The following CLCN6 variants were observed in gnomAD, a reference collection of about 807,000 sequenced individuals.
CLCN6 encodes H(+)/Cl(-) exchange transporter 6.
Under a neutral mutation model 109.8 loss-of-function variants are expected in CLCN6, and 70 were observed. The ratio of observed to expected loss-of-function variants is 0.64; its 90% CI spans 0.53 to 0.78. The LOEUF (loss-of-function observed/expected upper bound fraction) is 0.78. Ranked by LOEUF, CLCN6 falls within the 30% of genes least tolerant of loss-of-function variation. The pLI is 0.00. For missense variants in CLCN6, 984 were observed against 1,142.3 expected (o/e 0.86, Z 2.00); for synonymous variants, 444 against 447.8 (o/e 0.99, Z 0.11).
At chr1:11,819,443 A>G (rs766749507) in intron 4 of CLCN6, 45 bp from the exon 5 acceptor site, 5 of 1,560,284 alleles carry the variant, frequency 3.2e-6, no homozygotes, top group Non-Finnish European at 3.5e-6. Flanking sequence ...TACTTGTGCT[A>G]CACTTGGAAA....
Position 11,827,430 on chromosome 1 carries a change from C to CTTTTTTTTTTTTTTTTTTTT in CLCN6, c.840+213_840+232dup, listed in dbSNP as rs59015951. On this transcript the variant is annotated intron_variant, in intron 10 of 22. Transcript: ENST00000346436. ...CTAACCCCAAATCAAACCGCTGTTA[C>CTTTTTTTTTTTTTTTTTTTT]TTTTTTTTTTTTTTTTTTTTTTTGA... Among the ~76,000 whole-genome samples the CTTTTTTTTTTTTTTTTTTTT allele has an allele frequency of 3.6e-4, 38 of 105,022 alleles. 1 individual carries two copies. The highest frequency in any genetic ancestry group is 5.1e-4 in the Non-Finnish European group (27 of 53,442). The allele number at this position is 105,022 out of a possible 152,430, so 68.9% of individuals were successfully genotyped here.
At chr1:11,818,332 A>G (rs527845344) in intron 4 of CLCN6, among the ~76,000 whole-genome samples, 4 of 151,866 alleles carry the variant, frequency 2.6e-5, no homozygotes, top group African/African-American at 7.2e-5. Context: ...GAATGCTGAC[A>G]CGATTCTCAG....
At chr1:11,833,822 A>G (rs1171847172) in intron 14 of CLCN6, 55 bp from the exon 15 acceptor site, 1 of 1,581,414 alleles carries the variant, frequency 6.3e-7, no homozygotes, top group African/African-American at 1.4e-5. Flanking sequence ...CGGTAGGTCT[A>G]CTGGGCCTTG....
At chr1:11,816,063 T>C in intron 3 of CLCN6, 152 bp downstream of exon 3, 1 of 615,488 alleles carries the variant, frequency 1.6e-6, no homozygotes, top group Non-Finnish European at 2.8e-6. Context: ...CGCTTTGCTT[T>C]ATTTCACCTC....
intron 22 of CLCN6, 138 bp downstream of exon 22, chr1:11,838,798 C>T (rs527797120): frequency 7.8e-7 from 1 of 1,281,826 alleles, no homozygotes; most frequent in Admixed American, 1.7e-5. Context: ...TAGCTTTGAA[C>T]CCTGCTCGGC....
intron 9 of CLCN6, 65 bp downstream of exon 9, chr1:11,826,279 C>T: frequency 7.7e-7 from 1 of 1,301,706 alleles, no homozygotes. Context: ...GCGGGTCAGA[C>T]TCGACACTTG....
rs201430199 is a variant in CLCN6, at chr1:11,838,933, C to T, written c.2529+273C>T. The T allele has an allele frequency of 1.4e-3, 997 of 716,812 alleles. 8 individuals are homozygous for T. Among genetic ancestry groups the T allele is most frequent in the Middle Eastern group, 1.1e-3 (5 of 4,372 alleles). 44.4% of individuals were successfully genotyped at this position (716,812 alleles called of 1,614,324 possible). A position where few individuals can be genotyped will look rare whatever the true frequency, so the allele number is the denominator to read the frequency against. Reference sequence around the variant, plus strand: ...GTCTTCCTCCTGAAATGTTGCTCTTCACTCCGTACCACTGGTGTTCCTTGG... The same window carrying T: ...GTCTTCCTCCTGAAATGTTGCTCTTTACTCCGTACCACTGGTGTTCCTTGG... On this transcript the variant is annotated intron_variant, in intron 22 of 22. Transcript: ENST00000346436.
chr1:11,817,238 A>G (rs939242704), intron 4 of CLCN6, among the ~76,000 whole-genome samples: 3 of 152,150 alleles, frequency 2.0e-5, no homozygotes, highest in African/African-American at 7.2e-5. Flanking sequence ...GACTCTAGGC[A>G]GGCATGAGAT....
intron 6 of CLCN6, 22 bp downstream of exon 6, chr1:11,822,823 T>A: frequency 6.6e-7 from 1 of 1,511,254 alleles, no homozygotes; most frequent in Non-Finnish European, 9.2e-7. Flanking sequence ...TGGATTCACC[T>A]GCTCGCTTAG....
In CLCN6 at chr1:11,827,013, T is replaced by C. The variant is rs1644819699; in HGVS notation, c.708-76T>C. On this transcript the variant is annotated intron_variant, in intron 9 of 22. Transcript: ENST00000346436. The stretch of plus-strand genomic sequence containing the variant: ...ATTCACAGGTGTGAGAAAATGTTCA[T>C]GATAAGGAAGTCAGAAACCACCTTT... 10 of 1,560,394 alleles carry C rather than the reference T, an allele frequency of 6.4e-6. No homozygotes were observed. In the Admixed American group the frequency reaches 1.5e-4, roughly 24 times the overall value.
chr1:11,810,912 T>C (rs1259559116), intron 2 of CLCN6, among the ~76,000 whole-genome samples: 1 of 152,108 alleles, frequency 6.6e-6, no homozygotes, highest in East Asian at 1.9e-4. Context: ...CAAAAAAATT[T>C]GTTCAAAATT....
chr1:11,808,770 A>G (rs1644558493), intron 2 of CLCN6, among the ~76,000 whole-genome samples: 1 of 150,408 alleles, frequency 6.6e-6, no homozygotes, highest in South Asian at 2.1e-4. Flanking sequence ...AGCCGTTTGT[A>G]TAGTTTAATA....
At position 11,834,668 on chromosome 1, in the gene CLCN6, A is replaced by C. The variant is rs900623477; in HGVS notation, c.1793+78A>C. On this transcript the variant is annotated intron_variant, in intron 17 of 22. Transcript: ENST00000346436. The surrounding 1 kb of genome is among the most constrained non-coding windows in gnomAD (Gnocchi z 4.5). ...GCCTAAGGAATGTTGTTATTAGGGTAGGAAACAGTAACTCACTTTTCTTGG... is the reference window on the plus strand; with the variant it reads ...GCCTAAGGAATGTTGTTATTAGGGTCGGAAACAGTAACTCACTTTTCTTGG... The C allele has an allele frequency of 1.7e-6, 2 of 1,201,894 alleles. No homozygotes were observed. Among genetic ancestry groups the C allele is most frequent in the Non-Finnish European group, 2.4e-6 (2 of 823,172 alleles). 74.5% of individuals were successfully genotyped at this position (1,201,894 alleles called of 1,614,324 possible).
intron 22 of CLCN6, 74 bp from the exon 23 acceptor site, chr1:11,840,069 G>C: frequency 8.2e-7 from 1 of 1,213,406 alleles, no homozygotes; most frequent in Non-Finnish European, 1.2e-6. Context: ...AACTAACAGG[G>C]CCGGCTCCTG....
intron 1 of CLCN6, chr1:11,806,721 C>T (rs1644517885): frequency 2.8e-6 from 1 of 353,988 alleles, no homozygotes; most frequent in Non-Finnish European, 5.1e-6. Flanking sequence ...CTCTATCCCT[C>T]ACCCTTTCTG....
chr1:11,838,203 C>A (rs1393056107), intron 20 of CLCN6, 132 bp from the exon 21 acceptor site: 3 of 800,876 alleles, frequency 3.7e-6, no homozygotes, highest in East Asian at 5.3e-5. Context: ...CTCTGGAGCG[C>A]TTGCTGCTGC....
chr1:11,838,290 G>A (rs759699092), intron 20 of CLCN6, 45 bp from the exon 21 acceptor site: 5 of 1,559,756 alleles, frequency 3.2e-6, no homozygotes, highest in Non-Finnish European at 3.5e-6. Context: ...GACCCTGCTG[G>A]CCACTGCTGC....
Position 11,833,954 on chromosome 1 carries a change from G to A in CLCN6, c.1450G>A (p.Val484Ile), listed in dbSNP as rs747128287. 4.3e-6 allele frequency: 7 copies of A among 1,614,032 alleles called. No individual in the cohort carries two copies. The highest frequency in any genetic ancestry group is 3.3e-5 in the South Asian group (3 of 91,052). Residue 484 changes from valine to isoleucine, a missense_variant, in exon 15 of 23, where the codon GTT (valine) becomes ATT (isoleucine). Physicochemically the swap from Val to Ile is conservative, Grantham distance 29. Coordinates refer to ENST00000346436, the MANE Select transcript of CLCN6 (RefSeq NM_001286.5). ...TGCATGTTGGACTTACGGCATTTCT[G>A]TTCCAAGTGGCCTTTTTGTGCCTTC... ...LLACWTYGIS[V>I]PSGLFVPSLL...
chr1:11,838,226 C>G (rs1644974458), intron 20 of CLCN6, 109 bp from the exon 21 acceptor site: 5 of 979,020 alleles, frequency 5.1e-6, no homozygotes, highest in Non-Finnish European at 7.8e-6. Flanking sequence ...CACCACCTGC[C>G]TCAGCAGCCT....
Sources: allele counts gnomAD v4.1 joint callset (sites outside exome capture counted in the v4.1 genomes callset), GRCh38; gene constraint gnomAD v4.1.1; non-coding constraint Gnocchi (gnomAD v3.1); transcripts MANE v1.5; gene names NCBI Gene and HGNC (gene_info 2026-07-23, HGNC 2026-07-21).